CPS1: variants seen among roughly 807,000 people sequenced by gnomAD.
CPS1 encodes carbamoyl-phosphate synthase 1, also known as carbamoyl-phosphate synthase [ammonia], mitochondrial.
Under a neutral mutation model 174.6 loss-of-function variants are expected in CPS1, and 109 were observed. The observed-to-expected ratio is 0.62, with a 90% CI of 0.53 to 0.73. The LOEUF (loss-of-function observed/expected upper bound fraction) is 0.73, where lower values mean the gene tolerates loss of function less well. Among genes scored for constraint, CPS1 ranks in the 30% least tolerant of loss-of-function variants. CPS1 has a pLI of 0.00. For synonymous variants in CPS1, 637 were observed against 632.0 expected, an observed-to-expected ratio of 1.01 and a Z score of -0.12; for missense variants, 1,689 against 1,821.9, an observed-to-expected ratio of 0.93 and a Z score of 1.33.
At chr2:210,670,472 C>T (rs952035586) in intron 34 of CPS1, among the ~76,000 whole-genome samples, 1 of 140,986 alleles carries the variant, frequency 7.1e-6, no homozygotes, top group African/African-American at 2.5e-5. Context: ...CTTTTTACCA[C>T]AGCTTCATAG....
At chr2:210,594,285 C>T (rs891024289) in intron 11 of CPS1, among the ~76,000 whole-genome samples, 1 of 151,870 alleles carries the variant, frequency 6.6e-6, no homozygotes, top group African/African-American at 2.4e-5. Context: ...TTGTTGGAAA[C>T]TTCTTTTTTA....
At chr2:210,558,272 ATAGT>A (rs1559075656) in intron 1 of CPS1, among the ~76,000 whole-genome samples, 2 of 152,040 alleles carry the variant, frequency 1.3e-5, no homozygotes, top group South Asian at 4.1e-4. Flanking sequence ...TGTTTTAAAG[ATAGT>A]TAAAATCATT....
At chr2:210,480,276 G>A (rs750102083) in intron 1 of CPS1, among the ~76,000 whole-genome samples, 17 of 152,136 alleles carry the variant, frequency 1.1e-4, no homozygotes, top group East Asian at 1.9e-4. Flanking sequence ...CACTTCCCTC[G>A]TGTTCTACTG....
chr2:210,554,545 A>C (rs1427179434), upstream of CPS1, among the ~76,000 whole-genome samples: 1 of 151,856 alleles, frequency 6.6e-6, no homozygotes, highest in Non-Finnish European at 1.5e-5. Flanking sequence ...ATTTGATTAA[A>C]ACATAAGTGA....
chr2:210,539,626 G>A (rs1476455954), intron 1 of CPS1, among the ~76,000 whole-genome samples: 1 of 152,098 alleles, frequency 6.6e-6, no homozygotes. Context: ...ACATGATTTA[G>A]TGGTGCAGAA....
At chr2:210,644,831 A>G (rs181288466) in intron 25 of CPS1, among the ~76,000 whole-genome samples, 9 of 151,490 alleles carry the variant, frequency 5.9e-5, no homozygotes, top group Admixed American at 3.3e-4. Context: ...AGTTAGTGAT[A>G]TCAGGTTTTA....
chr2:210,532,225 A>G (rs948819085), intron 1 of CPS1, among the ~76,000 whole-genome samples: 3 of 152,148 alleles, frequency 2.0e-5, no homozygotes, highest in African/African-American at 4.8e-5. Flanking sequence ...AGAGAGTTCA[A>G]AACGTTAAAG....
At chr2:210,652,764 T>C (rs987643000) in intron 28 of CPS1, among the ~76,000 whole-genome samples, 1 of 152,084 alleles carries the variant, frequency 6.6e-6, no homozygotes, top group African/African-American at 2.4e-5. Context: ...TGGCTAGAGA[T>C]AGAGAAGGAA....
chr2:210,590,242 G>A lies in CPS1; in HGVS notation c.840+8G>A. The stretch of plus-strand genomic sequence containing the variant: ...ATTCAGAATGTCAGAAAGGTGCAAT[G>A]AACCTTGAATTCATGTGTATCTGTG... On this transcript the variant is annotated splice_region_variant and intron_variant, in intron 8 of 37. Coordinates refer to ENST00000233072, the MANE Select transcript of CPS1 (RefSeq NM_001875.5). The A allele has an allele frequency of 1.2e-6, 2 of 1,612,496 alleles. No homozygotes were observed. Among genetic ancestry groups the A allele is most frequent in the Non-Finnish European group, 1.7e-6 (2 of 1,178,896 alleles).
rs1414143303 is a variant in CPS1, at chr2:210,660,512, C to T, written c.3784C>T (p.Arg1262Ter). 12 of 1,613,958 alleles carry T rather than the reference C, an allele frequency of 7.4e-6. No individual in the cohort carries two copies. The highest frequency in any genetic ancestry group is 1.6e-4 in the Middle Eastern group (1 of 6,084). Residue 1262 changes from arginine to a stop codon, truncating the protein, a stop_gained, in exon 32 of 38, where the codon CGA becomes TGA. Transcript: ENST00000233072. LOFTEE classifies it high-confidence loss of function. ...LVIECNLRASRSFPFVSKTLG... is the reference protein window; with the variant it reads ...LVIECNLRAS ...GATTGAGTGTAACTTGAGAGCTTCT[C>T]GATCCTTCCCCTTTGTTTCCAAGAC...
At chr2:210,486,456 T>C (rs1029418570) in intron 1 of CPS1, among the ~76,000 whole-genome samples, 1 of 152,194 alleles carries the variant, frequency 6.6e-6, no homozygotes. Flanking sequence ...TATGTCCTTA[T>C]ATCATCTTAT....
chr2:210,650,258 T>C, intron 27 of CPS1, 105 bp from the exon 28 acceptor site: 1 of 923,976 alleles, frequency 1.1e-6, no homozygotes, highest in Non-Finnish European at 1.8e-6. Flanking sequence ...CACCTTCTTA[T>C]TCAGCCCCGA....
At chr2:210,513,063 T>C (rs1574482729) in intron 1 of CPS1, among the ~76,000 whole-genome samples, 1 of 36,578 alleles carries the variant, frequency 2.7e-5, no homozygotes, top group Admixed American at 3.1e-4. Context: ...TATATGGAGA[T>C]ATATATGTGG....
intron 6 of CPS1, among the ~76,000 whole-genome samples, chr2:210,585,019 C>T (rs1207722926): frequency 6.6e-6 from 1 of 152,028 alleles, no homozygotes; most frequent in Non-Finnish European, 1.5e-5. Context: ...GTGAAGCTTC[C>T]ATGACTCATC....
intron 20 of CPS1, among the ~76,000 whole-genome samples, chr2:210,615,202 A>T (rs928291114): frequency 6.6e-6 from 1 of 151,958 alleles, no homozygotes; most frequent in Non-Finnish European, 1.5e-5. Context: ...CTCACAGTGT[A>T]GATGGCCGAC....
intron 21 of CPS1, among the ~76,000 whole-genome samples, chr2:210,624,364 C>G (rs1215592078): frequency 6.6e-6 from 1 of 152,040 alleles, no homozygotes; most frequent in Non-Finnish European, 1.5e-5. Flanking sequence ...AACAGTCTTA[C>G]CAGTTATTAC....
chr2:210,665,457 T>C (rs1190441356), intron 33 of CPS1, among the ~76,000 whole-genome samples: 3 of 149,736 alleles, frequency 2.0e-5, no homozygotes, highest in Non-Finnish European at 4.5e-5. Flanking sequence ...GTATATCTCC[T>C]AATGCTATCC....
intron 1 of CPS1, among the ~76,000 whole-genome samples, chr2:210,492,650 G>C (rs570100709): frequency 5.3e-5 from 8 of 151,846 alleles, no homozygotes; most frequent in Non-Finnish European, 1.0e-4. Context: ...TATGTAGTAA[G>C]AGTGCACAAA....
At chr2:210,520,594 C>A (rs565444383) in intron 1 of CPS1, among the ~76,000 whole-genome samples, 1 of 152,030 alleles carries the variant, frequency 6.6e-6, no homozygotes, top group Admixed American at 6.6e-5. Flanking sequence ...TTCATTATCT[C>A]TCCTTTTTGC....
Sources: gnomAD v4.1 joint callset for allele counts (sites outside exome capture counted in the v4.1 genomes callset) on GRCh38, gnomAD v4.1.1 for gene constraint, MANE v1.5 for transcripts, NCBI Gene and HGNC (gene_info 2026-07-23, HGNC 2026-07-21) for gene names.